OR3A2: variants seen among roughly 807,000 people sequenced by gnomAD.
The protein encoded by OR3A2 is olfactory receptor 3A2.
For missense variants in OR3A2, 318 were observed against 392.8 expected, an observed-to-expected ratio of 0.81 and a Z score of 1.61; for synonymous variants, 126 against 159.3, an observed-to-expected ratio of 0.79 and a Z score of 1.57.
At chr17:3,371,074 C>G (rs995426877) in intron 2 of OR3A2, among the ~76,000 whole-genome samples, 12 of 151,934 alleles carry the variant, frequency 7.9e-5, no homozygotes, top group Non-Finnish European at 1.6e-4. Flanking sequence ...CCTTTCCCCC[C>G]TTTCTATTCC....
chr17:3,329,462 T>C (rs2049209670), intron 3 of OR3A2, among the ~76,000 whole-genome samples: 1 of 146,570 alleles, frequency 6.8e-6, no homozygotes. Context: ...GTCGAGGAAT[T>C]TATCCATTTC....
chr17:3,360,741 T>C (rs1183494618), intron 2 of OR3A2, among the ~76,000 whole-genome samples: 2 of 151,682 alleles, frequency 1.3e-5, no homozygotes, highest in Non-Finnish European at 2.9e-5. Context: ...TGTGTGGTAT[T>C]GTTTCTGAGG....
At position 3,306,975 on chromosome 17, in the gene OR3A2, G is replaced by A. The variant is rs1017221135; in HGVS notation, c.-84-27822C>T. Among the ~76,000 whole-genome samples, 10 of 152,214 alleles carry A rather than the reference G, an allele frequency of 6.6e-5. No individual in the cohort carries two copies. The South Asian group carries it at 1.4e-3, about 22-fold the overall frequency. ...TTCAACTGGATTTACACACGCACGC[G>A]TGCTTGTGTGTGTGCGCATTTTGTA... is the stretch of plus-strand genomic sequence containing the variant. On this transcript the variant is annotated intron_variant, in intron 3 of 4. Transcript: ENST00000573491.
chr17:3,330,094 T>C (rs2049216690), intron 3 of OR3A2, among the ~76,000 whole-genome samples: 2 of 146,752 alleles, frequency 1.4e-5, no homozygotes, highest in Non-Finnish European at 3.0e-5. Flanking sequence ...TTATAATCTC[T>C]GTTCTTTTAC....
chr17:3,301,559 T>C (rs1171366693), intron 3 of OR3A2, among the ~76,000 whole-genome samples: 4 of 152,230 alleles, frequency 2.6e-5, no homozygotes, highest in Non-Finnish European at 4.4e-5. Flanking sequence ...TTCTTGTAAA[T>C]TTCTTTAAGT....
chr17:3,303,906 G>T (rs9896623), intron 3 of OR3A2, among the ~76,000 whole-genome samples: 27,687 of 132,424 alleles, frequency 0.21, 4,064 homozygotes, highest in African/African-American at 0.43. Flanking sequence ...TAAATAAATA[G>T]ATATAGATAT....
intron 3 of OR3A2, among the ~76,000 whole-genome samples, chr17:3,301,063 TGC>T (rs1356337179): frequency 6.6e-6 from 1 of 152,214 alleles, no homozygotes; most frequent in East Asian, 1.9e-4. Flanking sequence ...GGTGTATATG[TGC>T]CACATTTTCT....
chr17:3,344,181 C>T (rs2049344312), intron 2 of OR3A2, among the ~76,000 whole-genome samples: 1 of 152,150 alleles, frequency 6.6e-6, no homozygotes, highest in South Asian at 2.1e-4. Flanking sequence ...AAGATGATGT[C>T]TGTGTATTGA....
intron 2 of OR3A2, among the ~76,000 whole-genome samples, chr17:3,342,778 C>G (rs774350293): frequency 6.6e-6 from 1 of 152,210 alleles, no homozygotes; most frequent in East Asian, 1.9e-4. Context: ...TCTCAGAGCT[C>G]AAACACCATG....
chr17:3,332,796 C>T (rs911228157), intron 3 of OR3A2, among the ~76,000 whole-genome samples: 1 of 152,170 alleles, frequency 6.6e-6, no homozygotes, highest in Non-Finnish European at 1.5e-5. Context: ...TATCAGTTCC[C>T]AAATAATACT....
chr17:3,292,460 C>T (rs770993472), intron 3 of OR3A2: 46 of 1,613,386 alleles, frequency 2.9e-5, no homozygotes, highest in Non-Finnish European at 3.7e-5. Context: ...TGCCCCTGAC[C>T]GTGACCAGGT....
chr17:3,363,257 A>G lies in OR3A2; in HGVS notation c.-179+20547T>C, dbSNP rs2049534196. Among the ~76,000 whole-genome samples, 3 of 151,772 alleles carry G rather than the reference A, an allele frequency of 2.0e-5. 1 individual carries two copies. Among genetic ancestry groups the G allele is most frequent in the African/African-American group, 4.9e-5 (2 of 41,046 alleles). The stretch of plus-strand genomic sequence containing the variant: ...ATGCTCTATTTCTTTCTTCATGCAT[A>G]TGAGTATACACTTTTAGAAACAGCT... On this transcript the variant is annotated intron_variant, in intron 2 of 4. Coordinates refer to the OR3A2 transcript ENST00000573491.
intron 3 of OR3A2, among the ~76,000 whole-genome samples, chr17:3,299,199 C>A (rs1481146288): frequency 6.6e-6 from 1 of 152,160 alleles, no homozygotes. Flanking sequence ...CCAGACAGAG[C>A]GTTGTTCTCC....
chr17:3,288,944 TTAAA>T (rs1488821518), upstream of OR3A2, among the ~76,000 whole-genome samples: 1 of 152,202 alleles, frequency 6.6e-6, no homozygotes, highest in Non-Finnish European at 1.5e-5. Flanking sequence ...TGGGGTGTGG[TTAAA>T]TAGATTATAA....
chr17:3,350,439 T>C (rs1178752379), intron 2 of OR3A2, among the ~76,000 whole-genome samples: 5 of 150,846 alleles, frequency 3.3e-5, no homozygotes, highest in African/African-American at 1.2e-4. Flanking sequence ...CTAGAAGAAA[T>C]GGATAAATTC....
At chr17:3,292,642 A>G in intron 3 of OR3A2, 1 of 1,416,026 alleles carries the variant, frequency 7.1e-7, no homozygotes, top group Non-Finnish European at 9.6e-7. Context: ...TAATTTATTT[A>G]CTCAAGAAAA....
chr17:3,378,129 C>T (rs1259355324), intron 2 of OR3A2, among the ~76,000 whole-genome samples: 1 of 152,198 alleles, frequency 6.6e-6, no homozygotes, highest in East Asian at 1.9e-4. Context: ...TGGGGTTTCA[C>T]CAGGACCTGC....
chr17:3,325,297 C>A (rs762656919), intron 3 of OR3A2, among the ~76,000 whole-genome samples: 1 of 150,248 alleles, frequency 6.7e-6, no homozygotes, highest in Non-Finnish European at 1.5e-5. Flanking sequence ...GCAACCTCCA[C>A]CTCCCAGGTT....
rs1567539824 is a variant in OR3A2, at chr17:3,279,087, T to C, written c.-6-164A>G. ...CTCAATGCCTTTACCTTGCTCTTGG[T>C]TGACATGCCCAATGACACCACCACC... On this transcript the variant is annotated intron_variant, in intron 1 of 1. Coordinates refer to ENST00000642052, the Ensembl canonical transcript of OR3A2. 5 of 1,231,030 alleles carry C rather than the reference T, an allele frequency of 4.1e-6. No homozygotes were observed. The South Asian group carries it at 4.8e-5, about 12-fold the overall frequency. 76.3% of individuals were successfully genotyped at this position (1,231,030 alleles called of 1,614,324 possible). A position where few individuals can be genotyped will look rare whatever the true frequency, so the allele number is the denominator to read the frequency against.
Sources: gnomAD v4.1 joint callset for allele counts (sites outside exome capture counted in the v4.1 genomes callset) on GRCh38, gnomAD v4.1.1 for gene constraint, MANE v1.5 for transcripts, NCBI Gene and HGNC (gene_info 2026-07-23, HGNC 2026-07-21) for gene names.